The following RNF126 variants were observed in gnomAD, a reference collection of about 807,000 sequenced individuals.
RNF126 encodes ring finger protein 126.
In RNF126, 20 loss-of-function variants were observed where a neutral mutation model predicts 41.9. The ratio of observed to expected loss-of-function variants is 0.48; its 90% CI spans 0.34 to 0.69. The LOEUF (loss-of-function observed/expected upper bound fraction) is 0.69. RNF126 is among the 30% of genes least tolerant of loss of function. The pLI, the probability that RNF126 is intolerant of heterozygous loss-of-function variation, is 0.01. For synonymous variants in RNF126, 239 were observed against 202.9 expected, an observed-to-expected ratio of 1.18 and a Z score of -1.51; for missense variants, 433 against 460.6, an observed-to-expected ratio of 0.94 and a Z score of 0.55.
In RNF126 at chr19:648,171, G is replaced by A. The variant is rs2030056570; in HGVS notation, c.893C>T (p.Ser298Phe). 3 of 1,606,150 alleles carry A rather than the reference G, an allele frequency of 1.9e-6. No individual in the cohort carries two copies. Among genetic ancestry groups the A allele is most frequent in the African/African-American group, 2.7e-5 (2 of 74,920 alleles). The change falls in exon 9 of 9, where the codon TCC (serine) becomes TTC (phenylalanine). Residue 298 changes from serine (S) to phenylalanine (F), a missense_variant. Coordinates refer to ENST00000292363, the MANE Select transcript of RNF126 (RefSeq NM_194460.3). ...VSFSSSSSSSSSSSPSNENAT... is the reference protein window; with the variant it reads ...VSFSSSSSSSFSSSPSNENAT... Reference sequence around the variant, plus strand: ...GTTCTCGTTGCTGGGCGAGCTGGAGGAGGACGATGACGACGAGGAGGAGAA... The same window carrying A: ...GTTCTCGTTGCTGGGCGAGCTGGAGAAGGACGATGACGACGAGGAGGAGAA...
rs2030290223 is a variant in RNF126, at chr19:651,593, C to T, written c.443+18G>A. On this transcript the variant is annotated intron_variant, in intron 4 of 8. Transcript: ENST00000292363. ...TCAAGGCGTGGGGCCCTCGCGGCCA[C>T]CCCCGGGGCCCCCTCACCCTTCCAG... The T allele has an allele frequency of 7.1e-7, 1 of 1,400,006 alleles. No individual in the cohort carries two copies. The highest frequency in any genetic ancestry group is 9.2e-7 in the Non-Finnish European group (1 of 1,081,624). The allele number at this position is 1,400,006 out of a possible 1,614,324, so 86.7% of individuals were successfully genotyped here. A position where few individuals can be genotyped will look rare whatever the true frequency, so the allele number is the denominator to read the frequency against.
intron 1 of RNF126, among the ~76,000 whole-genome samples, chr19:656,198 A>C (rs1209655938): frequency 2.6e-5 from 4 of 152,104 alleles, no homozygotes; most frequent in African/African-American, 9.7e-5. Flanking sequence ...ACTGAGATAA[A>C]GCTATTAAAA....
rs772267386 is a variant in RNF126 at position 652,343 on chromosome 19, A to C, written c.135-47T>G. 1.6e-5 allele frequency: 23 copies of C among 1,472,772 alleles called. No individual in the cohort carries two copies. The Admixed American group carries it at 3.8e-4, about 25-fold the overall frequency. The allele number at this position is 1,472,772 out of a possible 1,614,324, so 91.2% of individuals were successfully genotyped here. On this transcript the variant is annotated intron_variant, in intron 2 of 8. Coordinates refer to ENST00000292363, the MANE Select transcript of RNF126 (RefSeq NM_194460.3). ...GCAGTGCCGGCTACCCTGTGCCCCCATGCGCCAGGCGCTCCCTCCCCTCAA... is the reference window on the plus strand; with the variant it reads ...GCAGTGCCGGCTACCCTGTGCCCCCCTGCGCCAGGCGCTCCCTCCCCTCAA...
At chr19:649,473 A>C (rs1324763318) in intron 6 of RNF126, 1 of 578,482 alleles carries the variant, frequency 1.7e-6, no homozygotes, top group African/African-American at 1.9e-5. Context: ...CCGCGTGAAC[A>C]CAGGAGAACC....
chr19:660,047 G>C (rs958881987), intron 1 of RNF126, among the ~76,000 whole-genome samples: 1 of 152,214 alleles, frequency 6.6e-6, no homozygotes, highest in African/African-American at 2.4e-5. Context: ...CCACAGGCGT[G>C]AGCCACCGCG....
intron 1 of RNF126, among the ~76,000 whole-genome samples, chr19:661,682 A>G (rs1372012130): frequency 1.3e-5 from 2 of 151,992 alleles, no homozygotes; most frequent in African/African-American, 4.8e-5. Flanking sequence ...GACTCCCTCC[A>G]GCCCCTTCCT....
In RNF126 at chr19:663,134, C is replaced by G; in HGVS notation, c.-13G>C. On this transcript the variant is annotated 5_prime_UTR_variant, in exon 1 of 9. Coordinates refer to ENST00000292363, the MANE Select transcript of RNF126 (RefSeq NM_194460.3). ...ACGCCTCGGCCATGGCCGCCGCCAC[C>G]TACTCCGCGCCGCCCGCCCCCCGCG... The G allele has an allele frequency of 8.2e-7, 1 of 1,214,360 alleles. No individual in the cohort carries two copies. Among genetic ancestry groups the G allele is most frequent in the Non-Finnish European group, 1.0e-6 (1 of 971,892 alleles). The allele number at this position is 1,214,360 out of a possible 1,614,324, so 75.2% of individuals were successfully genotyped here.
chr19:658,952 A>C (rs2030680757), intron 1 of RNF126, among the ~76,000 whole-genome samples: 1 of 152,164 alleles, frequency 6.6e-6, no homozygotes, highest in African/African-American at 2.4e-5. Context: ...CATCTGCCCG[A>C]GGCAGACCCC....
At position 647,932 on chromosome 19, in the gene RNF126, G is replaced by T; in HGVS notation, c.*196C>A. The stretch of plus-strand genomic sequence containing the variant: ...CGGGGAGGCTGGGGACGCCCCAGAG[G>T]GGACCATGTGGCCCACGCCTTCCCA... On this transcript the variant is annotated 3_prime_UTR_variant, in exon 9 of 9. Coordinates refer to ENST00000292363, the MANE Select transcript of RNF126 (RefSeq NM_194460.3). The T allele has an allele frequency of 1.5e-6, 1 of 655,442 alleles. No individual in the cohort carries two copies. The highest frequency in any genetic ancestry group is 1.9e-5 in the South Asian group (1 of 53,216). The allele number at this position is 655,442 out of a possible 1,614,324, so 40.6% of individuals were successfully genotyped here. A position where few individuals can be genotyped will look rare whatever the true frequency, so the allele number is the denominator to read the frequency against.
chr19:663,019 C>T (rs2144782665), intron 1 of RNF126, 28 bp downstream of exon 1: 3 of 1,281,158 alleles, frequency 2.3e-6, no homozygotes, highest in South Asian at 1.8e-5. Context: ...GCAGACCCTG[C>T]CGCCCGCCGC....
chr19:654,916 G>A (rs1363575645), intron 1 of RNF126, among the ~76,000 whole-genome samples: 22 of 151,632 alleles, frequency 1.5e-4, no homozygotes, highest in Non-Finnish European at 2.4e-4. Context: ...GCAACGAGCC[G>A]AGATCATGAC....
In RNF126 at chr19:650,400, G is replaced by A. The variant is rs1055629305; in HGVS notation, c.444-104C>T. 5 of 911,134 alleles carry A rather than the reference G, an allele frequency of 5.5e-6. 1 individual carries two copies. The highest frequency in any genetic ancestry group is 4.9e-5 in the South Asian group (3 of 60,854). 56.4% of individuals were successfully genotyped at this position (911,134 alleles called of 1,614,324 possible). ...AGCACCAAGGGCAGGGCCAGCATCAGCTTCTAGATTAGCTTCTATTTATTT... is the reference window on the plus strand; with the variant it reads ...AGCACCAAGGGCAGGGCCAGCATCAACTTCTAGATTAGCTTCTATTTATTT... On this transcript the variant is annotated intron_variant, in intron 4 of 8. Coordinates refer to ENST00000292363, the MANE Select transcript of RNF126 (RefSeq NM_194460.3).
At chr19:651,973 G>T in intron 3 of RNF126, 118 bp from the exon 4 acceptor site, 1 of 925,810 alleles carries the variant, frequency 1.1e-6, no homozygotes, top group Non-Finnish European at 1.6e-6. Context: ...CCGGGTGGGA[G>T]GGAGACGCAG....
intron 1 of RNF126, among the ~76,000 whole-genome samples, chr19:655,500 G>GT (rs1489528152): frequency 6.7e-6 from 1 of 149,992 alleles, no homozygotes; most frequent in Non-Finnish European, 1.5e-5. Flanking sequence ...AAAAAGAAAA[G>GT]TGGGGGGGGA....
chr19:652,056 C>A, intron 3 of RNF126, 177 bp downstream of exon 3: 1 of 721,156 alleles, frequency 1.4e-6, no homozygotes, highest in Non-Finnish European at 2.2e-6. Flanking sequence ...CGCTTTCATC[C>A]AAGAAACCAA....
chr19:651,921 G>T, intron 3 of RNF126, 66 bp from the exon 4 acceptor site: 1 of 1,445,900 alleles, frequency 6.9e-7, no homozygotes, highest in Non-Finnish European at 9.4e-7. Context: ...GGGCGCTAGG[G>T]CACAAAGACA....
chr19:661,160 C>T (rs1314805751), intron 1 of RNF126, among the ~76,000 whole-genome samples: 4 of 152,230 alleles, frequency 2.6e-5, no homozygotes, highest in Non-Finnish European at 5.9e-5. Context: ...CAAGGTCCTC[C>T]GTGTCCAAGG....
intron 1 of RNF126, among the ~76,000 whole-genome samples, chr19:655,769 C>T (rs1001641012): frequency 4.6e-5 from 7 of 152,142 alleles, no homozygotes; most frequent in Non-Finnish European, 8.8e-5. Context: ...TGAGAGTTCA[C>T]GGCAGCACAG....
chr19:661,554 A>T (rs1281908450), intron 1 of RNF126, among the ~76,000 whole-genome samples: 1 of 152,142 alleles, frequency 6.6e-6, no homozygotes, highest in Non-Finnish European at 1.5e-5. Context: ...CTGTGGCTTC[A>T]GTAGAGAGGA....
Sources: gnomAD v4.1 joint callset for allele counts (sites outside exome capture counted in the v4.1 genomes callset) on GRCh38, gnomAD v4.1.1 for gene constraint, MANE v1.5 for transcripts, NCBI Gene and HGNC (gene_info 2026-07-23, HGNC 2026-07-21) for gene names.